The following DCPS variants were observed in gnomAD, a reference collection of about 807,000 sequenced individuals.
DCPS encodes decapping enzyme, scavenger.
Under a neutral mutation model 34.7 loss-of-function variants are expected in DCPS, and 27 were observed. The observed-to-expected ratio is 0.78, with a 90% CI of 0.57 to 1.07. The LOEUF (loss-of-function observed/expected upper bound fraction) is 1.07, where lower values mean the gene tolerates loss of function less well. DCPS is among the 50% of genes least tolerant of loss of function. The pLI, the probability that DCPS is intolerant of heterozygous loss-of-function variation, is 0.00. For missense variants in DCPS, 464 were observed against 436.9 expected, an observed-to-expected ratio of 1.06 and a Z score of -0.55; for synonymous variants, 185 against 185.7, an observed-to-expected ratio of 1.00 and a Z score of 0.03.
In DCPS at chr11:126,328,979, A is replaced by G. The variant is rs1280763676; in HGVS notation, c.377-2426A>G. The stretch of plus-strand genomic sequence containing the variant: ...TCACTAGCCTGAGGTTACGCCACTA[A>G]TAAGTGCAGAGCCAGGACTTGCACC... On this transcript the variant is annotated intron_variant, in intron 2 of 5. Transcript: ENST00000263579. This position sits in a 1 kb window ranked among gnomAD's most constrained non-coding sequence, Gnocchi z 6.6. Among the ~76,000 whole-genome samples the G allele has an allele frequency of 1.3e-5, 2 of 152,192 alleles. No homozygotes were observed. Among genetic ancestry groups the G allele is most frequent in the Non-Finnish European group, 2.9e-5 (2 of 68,034 alleles).
rs564570191 is a variant in DCPS, at chr11:126,327,402, G to T, written c.377-4003G>T. Among the ~76,000 whole-genome samples, 1 of 152,362 alleles carries T rather than the reference G, an allele frequency of 6.6e-6. No homozygotes were observed. Among genetic ancestry groups the T allele is most frequent in the Non-Finnish European group, 1.5e-5 (1 of 68,044 alleles). ...GTCGGCGTGCCCAGCAGGGGTGACGGTGACGCCCATGGCCTGGCCGAGGTG... is the reference window on the plus strand; with the variant it reads ...GTCGGCGTGCCCAGCAGGGGTGACGTTGACGCCCATGGCCTGGCCGAGGTG... On this transcript the variant is annotated intron_variant, in intron 2 of 5. Coordinates refer to ENST00000263579, the MANE Select transcript of DCPS (RefSeq NM_014026.6). The surrounding 1 kb of genome is among the most constrained non-coding windows in gnomAD (Gnocchi z 4.1).
rs1424968751 is a variant in DCPS, at chr11:126,335,823, G to A, written c.523-2463G>A. Among the ~76,000 whole-genome samples, 1 of 152,184 alleles carries A rather than the reference G, an allele frequency of 6.6e-6. No homozygotes were observed. Among genetic ancestry groups the A allele is most frequent in the Non-Finnish European group, 1.5e-5 (1 of 68,034 alleles). On this transcript the variant is annotated intron_variant, in intron 3 of 5. Transcript: ENST00000263579. The surrounding 1 kb of genome is among the most constrained non-coding windows in gnomAD (Gnocchi z 4.8). ...GCCTGTAATCCCAGCTTCTTGGGAG[G>A]CTGAGGCAGGAGAATCACTTGAACC...
In DCPS at chr11:126,327,004, C is replaced by T. The variant is rs548098032; in HGVS notation, c.377-4401C>T. On this transcript the variant is annotated intron_variant, in intron 2 of 5. Coordinates refer to ENST00000263579, the MANE Select transcript of DCPS (RefSeq NM_014026.6). This position sits in a 1 kb window ranked among gnomAD's most constrained non-coding sequence, Gnocchi z 4.1. Reference sequence around the variant, plus strand: ...TTGGCTTTTTCTGTCTCCACATATACGTAGAATAATGATAACGATGGATAT... The same window carrying T: ...TTGGCTTTTTCTGTCTCCACATATATGTAGAATAATGATAACGATGGATAT... Among the ~76,000 whole-genome samples, 17 of 151,870 alleles carry T rather than the reference C, an allele frequency of 1.1e-4. No individual in the cohort carries two copies. The highest frequency in any genetic ancestry group is 3.6e-4 in the African/African-American group (15 of 41,360).
chr11:126,346,297 G>T lies in DCPS; in HGVS notation c.*684G>T, dbSNP rs977683503. On this transcript the variant is annotated 3_prime_UTR_variant, in exon 6 of 6. Transcript: ENST00000263579. This position sits in a 1 kb window ranked among gnomAD's most constrained non-coding sequence, Gnocchi z 4.1. The stretch of plus-strand genomic sequence containing the variant: ...GTCCCCAGCCTTGAGTTTTTATCTC[G>T]GCAGGAAGACAAAACAGACTCACAT... Among the ~76,000 whole-genome samples the T allele has an allele frequency of 3.9e-5, 6 of 152,210 alleles. No individual in the cohort carries two copies. The highest frequency in any genetic ancestry group is 1.4e-4 in the African/African-American group (6 of 41,534).
chr11:126,304,567 A>G (rs999022831), intron 1 of DCPS, among the ~76,000 whole-genome samples: 3 of 152,140 alleles, frequency 2.0e-5, no homozygotes, highest in African/African-American at 4.8e-5. Flanking sequence ...TACATTCCCC[A>G]AGCCATTCAT....
rs1403192594 is a variant in DCPS, at chr11:126,313,885, T to G, written c.376+7141T>G. 2.0e-5 allele frequency among the ~76,000 whole-genome samples: 3 copies of G among 152,248 alleles called. No homozygotes were observed. The highest frequency in any genetic ancestry group is 2.9e-5 in the Non-Finnish European group (2 of 68,046). On this transcript the variant is annotated intron_variant, in intron 2 of 5. Coordinates refer to ENST00000263579, the MANE Select transcript of DCPS (RefSeq NM_014026.6). The surrounding 1 kb of genome is among the most constrained non-coding windows in gnomAD (Gnocchi z 4.9). ...CTGTGTTTTATATGTATAATGTATT[T>G]CCCAGTTGAAAGGTAAGACAAATTG... is the stretch of plus-strand genomic sequence containing the variant.
Position 126,345,398 on chromosome 11 carries a change from C to G in DCPS, c.799C>G (p.Leu267Val). 1 of 1,614,204 alleles carries G rather than the reference C, an allele frequency of 6.2e-7. No homozygotes were observed. The highest frequency in any genetic ancestry group is 8.5e-7 in the Non-Finnish European group (1 of 1,180,034). ...RMKGDHLRVY[L>V]HYLPSYYHLH... ...GAAGGGAGACCATCTGCGAGTATACCTGCACTACCTGCCCTCCTACTACCA... is the reference window on the plus strand; with the variant it reads ...GAAGGGAGACCATCTGCGAGTATACGTGCACTACCTGCCCTCCTACTACCA... The change falls in exon 6 of 6, where the codon CTG (leucine) becomes GTG (valine). Residue 267 changes from leucine (L) to valine (V), a missense_variant. Coordinates refer to ENST00000263579, the MANE Select transcript of DCPS (RefSeq NM_014026.6). The surrounding 1 kb of genome is among the most constrained non-coding windows in gnomAD (Gnocchi z 7.4).
intron 1 of DCPS, 78 bp from the exon 2 acceptor site, chr11:126,306,492 C>A: frequency 1.4e-6 from 2 of 1,419,000 alleles, no homozygotes; most frequent in Non-Finnish European, 9.4e-7. Flanking sequence ...TTCAAAGGCC[C>A]TGGGAGCTTC....
In DCPS at chr11:126,320,491, A is replaced by C. The variant is rs988361253; in HGVS notation, c.377-10914A>C. 2.9e-5 allele frequency among the ~76,000 whole-genome samples: 4 copies of C among 136,776 alleles called. No homozygotes were observed. The highest frequency in any genetic ancestry group is 1.0e-4 in the African/African-American group (4 of 39,466). The allele number at this position is 136,776 out of a possible 152,430, so 89.7% of individuals were successfully genotyped here. A position where few individuals can be genotyped will look rare whatever the true frequency, so the allele number is the denominator to read the frequency against. On this transcript the variant is annotated intron_variant, in intron 2 of 5. Transcript: ENST00000263579. The surrounding 1 kb of genome is among the most constrained non-coding windows in gnomAD (Gnocchi z 4.7). The stretch of plus-strand genomic sequence containing the variant: ...ACAATGATATTAAAGGAATATTCTT[A>C]AAAAAAAATTAACCCATCAAGACTA...
Position 126,349,400 on chromosome 11 carries a change from T to C in DCPS, c.*3787T>C, listed in dbSNP as rs1053848467. Among the ~76,000 whole-genome samples the C allele has an allele frequency of 6.6e-6, 1 of 152,214 alleles. No individual in the cohort carries two copies. The highest frequency in any genetic ancestry group is 2.4e-5 in the African/African-American group (1 of 41,458). On this transcript the variant is annotated 3_prime_UTR_variant, in exon 6 of 6. Coordinates refer to ENST00000263579, the MANE Select transcript of DCPS (RefSeq NM_014026.6). The surrounding 1 kb of genome is among the most constrained non-coding windows in gnomAD (Gnocchi z 5.4). ...CTCAACACTTGGCCTACATTCTTTCTGGCTTGGTTGGAGAAGGAAAGAAGC... is the reference window on the plus strand; with the variant it reads ...CTCAACACTTGGCCTACATTCTTTCCGGCTTGGTTGGAGAAGGAAAGAAGC...
chr11:126,323,526 G>T lies in DCPS; in HGVS notation c.377-7879G>T, dbSNP rs1339342837. On this transcript the variant is annotated intron_variant, in intron 2 of 5. Coordinates refer to ENST00000263579, the MANE Select transcript of DCPS (RefSeq NM_014026.6). The surrounding 1 kb of genome is among the most constrained non-coding windows in gnomAD (Gnocchi z 4.4). ...AAACAATTCTAAATGTATTAAAGTT[G>T]CATTTCTTTCTTTTCTTTTTTTTTT... Among the ~76,000 whole-genome samples the T allele has an allele frequency of 6.9e-6, 1 of 145,194 alleles. No individual in the cohort carries two copies. The highest frequency in any genetic ancestry group is 1.5e-5 in the Non-Finnish European group (1 of 66,668).
rs1951759765 is a variant in DCPS at position 126,328,815 on chromosome 11, C to CTT, written c.377-2587_377-2586dup. ...AATCCAAGCTAGCCTGGGGGGAGCGCTTTTCTCCATGTGAGGCACTTCCTG... is the reference window on the plus strand; with the variant it reads ...AATCCAAGCTAGCCTGGGGGGAGCGCTTTTTTCTCCATGTGAGGCACTTCCTG... On this transcript the variant is annotated intron_variant, in intron 2 of 5. Transcript: ENST00000263579. The surrounding 1 kb of genome is among the most constrained non-coding windows in gnomAD (Gnocchi z 6.6). 6.6e-6 allele frequency among the ~76,000 whole-genome samples: 1 copy of CTT among 152,202 alleles called. No homozygotes were observed. The highest frequency in any genetic ancestry group is 2.4e-5 in the African/African-American group (1 of 41,462).
chr11:126,321,453 C>G (rs1024996053), intron 2 of DCPS, among the ~76,000 whole-genome samples: 12 of 152,262 alleles, frequency 7.9e-5, no homozygotes, highest in African/African-American at 2.9e-4. Flanking sequence ...TACTGTCAGC[C>G]AGGCTTATAG....
Position 126,346,353 on chromosome 11 carries a change from T to C in DCPS, c.*740T>C, listed in dbSNP as rs929393574. On this transcript the variant is annotated 3_prime_UTR_variant, in exon 6 of 6. Coordinates refer to ENST00000263579, the MANE Select transcript of DCPS (RefSeq NM_014026.6). This position sits in a 1 kb window ranked among gnomAD's most constrained non-coding sequence, Gnocchi z 4.1. Reference sequence around the variant, plus strand: ...AGCCAGAAGATCAAGTGCAAAACAGTGAATCAGCAAGGGCAAATGATATGG... The same window carrying C: ...AGCCAGAAGATCAAGTGCAAAACAGCGAATCAGCAAGGGCAAATGATATGG... 6.6e-6 allele frequency among the ~76,000 whole-genome samples: 1 copy of C among 152,066 alleles called. No individual in the cohort carries two copies. The highest frequency in any genetic ancestry group is 2.4e-5 in the African/African-American group (1 of 41,408).
At chr11:126,318,711 A>G (rs968983242) in intron 2 of DCPS, among the ~76,000 whole-genome samples, 4 of 152,218 alleles carry the variant, frequency 2.6e-5, no homozygotes, top group Non-Finnish European at 4.4e-5. Flanking sequence ...TCTGGGTTAA[A>G]TAAGTTAAGC....
chr11:126,339,021 C>T (rs977478626), intron 4 of DCPS, among the ~76,000 whole-genome samples: 33 of 152,338 alleles, frequency 2.2e-4, no homozygotes, highest in African/African-American at 7.9e-4. Context: ...CTCTCCCAGA[C>T]CAGCCCACCA....
intron 2 of DCPS, among the ~76,000 whole-genome samples, chr11:126,307,098 G>A (rs933761563): frequency 2.6e-5 from 4 of 152,054 alleles, no homozygotes; most frequent in East Asian, 1.9e-4. Context: ...GGGAGGCCAC[G>A]GCGGGCAGAT....
Position 126,316,005 on chromosome 11 carries a change from G to A in DCPS, c.376+9261G>A, listed in dbSNP as rs961012901. On this transcript the variant is annotated intron_variant, in intron 2 of 5. Coordinates refer to ENST00000263579, the MANE Select transcript of DCPS (RefSeq NM_014026.6). Reference sequence around the variant, plus strand: ...TGGGATTACAGATGTGAGTCACCACGCCTGGCTGGAGAGTGCTTTTGATGT... The same window carrying A: ...TGGGATTACAGATGTGAGTCACCACACCTGGCTGGAGAGTGCTTTTGATGT... Among the ~76,000 whole-genome samples, 8 of 151,968 alleles carry A rather than the reference G, an allele frequency of 5.3e-5. No homozygotes were observed. The South Asian group carries it at 1.4e-3, about 28-fold the overall frequency.
At chr11:126,306,807 G>A (rs1304746589) in intron 2 of DCPS, 63 bp downstream of exon 2, 10 of 1,545,222 alleles carry the variant, frequency 6.5e-6, no homozygotes, top group Non-Finnish European at 7.9e-6. Flanking sequence ...AAATTAGGTG[G>A]TATGGTGACC....
Sources: gnomAD v4.1 joint callset for allele counts (sites outside exome capture counted in the v4.1 genomes callset) on GRCh38, gnomAD v4.1.1 for gene constraint, Gnocchi (gnomAD v3.1) non-coding constraint, MANE v1.5 for transcripts, NCBI Gene and HGNC (gene_info 2026-07-23, HGNC 2026-07-21) for gene names.